The following USP6NL variants were observed in gnomAD, a reference collection of about 807,000 sequenced individuals.
The protein encoded by USP6NL is USP6 N-terminal like.
In USP6NL, 26 loss-of-function variants were observed where a neutral mutation model predicts 61.9. That is an observed-to-expected ratio of 0.42 (90% CI 0.31 to 0.58). The LOEUF (loss-of-function observed/expected upper bound fraction) is 0.58, where lower values mean the gene tolerates loss of function less well. Ranked by LOEUF, USP6NL falls within the 20% of genes least tolerant of loss-of-function variation. USP6NL has a pLI of 0.16. For synonymous variants in USP6NL, 432 were observed against 390.1 expected (o/e 1.11, Z -1.27); for missense variants, 1,114 against 1,034.3 (o/e 1.08, Z -1.06).
intron 2 of USP6NL, among the ~76,000 whole-genome samples, chr10:11,590,480 T>G (rs1838127357): frequency 6.6e-6 from 1 of 152,216 alleles, no homozygotes; most frequent in African/African-American, 2.4e-5. Context: ...ATGTGGAATT[T>G]TATTCAGACC....
chr10:11,484,897 G>A (rs895520948), intron 13 of USP6NL, 74 bp downstream of exon 13: 2 of 1,165,986 alleles, frequency 1.7e-6, no homozygotes, highest in African/African-American at 1.6e-5. Context: ...GTTGAAGTGG[G>A]TGGGGAATGA....
chr10:11,500,640 A>C (rs1045497676), intron 7 of USP6NL, among the ~76,000 whole-genome samples: 2 of 152,186 alleles, frequency 1.3e-5, no homozygotes, highest in Non-Finnish European at 2.9e-5. Flanking sequence ...TCTTGGGGCA[A>C]AGTCATCTTT....
rs1002692682 is a variant in USP6NL, at chr10:11,508,683, G to A, written c.276+912C>T. Among the ~76,000 whole-genome samples the A allele has an allele frequency of 3.3e-5, 5 of 152,196 alleles. No individual in the cohort carries two copies. The South Asian group carries it at 8.3e-4, about 25-fold the overall frequency. On this transcript the variant is annotated intron_variant, in intron 6 of 14. Transcript: ENST00000609104. Reference sequence around the variant, plus strand: ...TTGACAGAGGTCTTATTAACGTAACGAGCAGTGACGAGACGGGAAGTGCAT... The same window carrying A: ...TTGACAGAGGTCTTATTAACGTAACAAGCAGTGACGAGACGGGAAGTGCAT...
intron 14 of USP6NL, among the ~76,000 whole-genome samples, chr10:11,473,113 T>G (rs1225241623): frequency 6.6e-6 from 1 of 152,250 alleles, no homozygotes; most frequent in East Asian, 1.9e-4. Context: ...CGTTTCTATG[T>G]ATGTGCAGTC....
chr10:11,469,550 C>A (rs1832641277), intron 14 of USP6NL, among the ~76,000 whole-genome samples: 2 of 152,184 alleles, frequency 1.3e-5, no homozygotes, highest in African/African-American at 2.4e-5. Flanking sequence ...ATGGCAAATA[C>A]CTCAACTGTA....
At chr10:11,547,188 A>G (rs1161339869) in intron 2 of USP6NL, among the ~76,000 whole-genome samples, 3 of 152,254 alleles carry the variant, frequency 2.0e-5, no homozygotes, top group African/African-American at 2.4e-5. Context: ...TGACAACACA[A>G]TAAGAGCGTG....
At position 11,528,975 on chromosome 10, in the gene USP6NL, G is replaced by A. The variant is rs754249077; in HGVS notation, c.5-1408C>T. Among the ~76,000 whole-genome samples the A allele has an allele frequency of 3.9e-5, 6 of 152,152 alleles. No homozygotes were observed. The highest frequency in any genetic ancestry group is 9.7e-5 in the African/African-American group (4 of 41,420). ...CCAAAAACGGAAGATGCATGAAGCAGCAATACTGGCATGTTACCTAGCGCA... is the reference window on the plus strand; with the variant it reads ...CCAAAAACGGAAGATGCATGAAGCAACAATACTGGCATGTTACCTAGCGCA... On this transcript the variant is annotated intron_variant, in intron 2 of 14. Coordinates refer to ENST00000609104, the MANE Select transcript of USP6NL (RefSeq NM_014688.5). This position sits in a 1 kb window ranked among gnomAD's most constrained non-coding sequence, Gnocchi z 4.6.
intron 2 of USP6NL, among the ~76,000 whole-genome samples, chr10:11,542,508 C>A (rs1836107682): frequency 6.6e-6 from 1 of 152,084 alleles, no homozygotes; most frequent in Non-Finnish European, 1.5e-5. Flanking sequence ...CACCTAAGGC[C>A]AGGAGTTTGA....
In USP6NL at chr10:11,532,116, G is replaced by C. The variant is rs1464056742; in HGVS notation, c.5-4549C>G. On this transcript the variant is annotated intron_variant, in intron 2 of 14. Coordinates refer to ENST00000609104, the MANE Select transcript of USP6NL (RefSeq NM_014688.5). This position sits in a 1 kb window ranked among gnomAD's most constrained non-coding sequence, Gnocchi z 4.1. ...AATTTACAGCAGACCATTTTTCCTA[G>C]AGTACATTTTGACAGATGAACGTTA... is the stretch of plus-strand genomic sequence containing the variant. The C allele has an allele frequency of 1.1e-5, 13 of 1,199,474 alleles. No homozygotes were observed. Among genetic ancestry groups the C allele is most frequent in the Admixed American group, 2.7e-5 (1 of 37,594 alleles). The allele number at this position is 1,199,474 out of a possible 1,614,324, so 74.3% of individuals were successfully genotyped here.
intron 1 of USP6NL, among the ~76,000 whole-genome samples, chr10:11,603,503 T>C (rs1184726819): frequency 6.6e-6 from 1 of 152,176 alleles, no homozygotes; most frequent in Non-Finnish European, 1.5e-5. Flanking sequence ...CGACATCATT[T>C]TAAAAGTCAG....
At chr10:11,560,204 T>C (rs951824342) in intron 2 of USP6NL, among the ~76,000 whole-genome samples, 1 of 152,200 alleles carries the variant, frequency 6.6e-6, no homozygotes, top group Non-Finnish European at 1.5e-5. Context: ...CTATGCCAGA[T>C]ATATTACATA....
Position 11,463,588 on chromosome 10 carries a change from G to A in USP6NL, c.1340C>T (p.Ala447Val). 1 of 1,614,024 alleles carries A rather than the reference G, an allele frequency of 6.2e-7. No homozygotes were observed. Among genetic ancestry groups the A allele is most frequent in the Non-Finnish European group, 8.5e-7 (1 of 1,179,890 alleles). The change falls in exon 15 of 15, where the codon GCA becomes GTA. Residue 447 changes from alanine (A) to valine (V), a missense_variant. Physicochemically the swap from Ala to Val is moderately conservative, Grantham distance 64. Transcript: ENST00000609104. This position sits in a 1 kb window ranked among gnomAD's most constrained non-coding sequence, Gnocchi z 6.3. ...CGATGGGAGTTTTCTTTGAAAATCT[G>A]CCTCATCTTTAAGCTTTTTGCTCTC... ...EEESKKLKDE[A>V]DFQRKLPSGP...
rs746400666 is a variant in USP6NL at position 11,463,688 on chromosome 10, G to A, written c.1240C>T (p.His414Tyr). 6.2e-7 allele frequency: 1 copy of A among 1,613,608 alleles called. No individual in the cohort carries two copies. The highest frequency in any genetic ancestry group is 1.1e-5 in the South Asian group (1 of 91,062). Residue 414 changes from histidine to tyrosine, a missense_variant, in exon 15 of 15, where the codon CAC becomes TAC. Physicochemically the swap from His to Tyr is moderately conservative, Grantham distance 83 (BLOSUM62 2). Transcript: ENST00000609104. This position sits in a 1 kb window ranked among gnomAD's most constrained non-coding sequence, Gnocchi z 6.3. ...ESGAPHRRHEHSPHPQSRTGT... is the reference protein window; with the variant it reads ...ESGAPHRRHEYSPHPQSRTGT... ...GTCCTGCTCTGGGGGTGCGGGGAGTGCTCGTGCCTCCTGTGGGGCGCCCCG... is the reference window on the plus strand; with the variant it reads ...GTCCTGCTCTGGGGGTGCGGGGAGTACTCGTGCCTCCTGTGGGGCGCCCCG...
At position 11,510,944 on chromosome 10, in the gene USP6NL, A is replaced by G. The variant is rs1198615478; in HGVS notation, c.196-1269T>C. ...CTCTGCCCTAGTTCAGGCAATCATC[A>G]TTCCTGGATGGAAGCAGCAGCTCCT... On this transcript the variant is annotated intron_variant, in intron 5 of 14. Transcript: ENST00000609104. The surrounding 1 kb of genome is among the most constrained non-coding windows in gnomAD (Gnocchi z 4.8). Among the ~76,000 whole-genome samples, 1 of 152,214 alleles carries G rather than the reference A, an allele frequency of 6.6e-6. No homozygotes were observed. The highest frequency in any genetic ancestry group is 1.5e-5 in the Non-Finnish European group (1 of 68,034).
At chr10:11,582,723 T>C (rs1837822777) in intron 2 of USP6NL, among the ~76,000 whole-genome samples, 1 of 152,198 alleles carries the variant, frequency 6.6e-6, no homozygotes, top group Non-Finnish European at 1.5e-5. Context: ...ATAATTCATT[T>C]TGCTTATAAA....
chr10:11,569,298 T>A (rs541531473), intron 2 of USP6NL, among the ~76,000 whole-genome samples: 1 of 152,326 alleles, frequency 6.6e-6, no homozygotes, highest in South Asian at 2.1e-4. Flanking sequence ...GCTTAAGTTA[T>A]TAGCTATAAT....
In USP6NL at chr10:11,460,656, A is replaced by ATATATATATATATAT. The variant is rs1566104005; in HGVS notation, c.*1784_*1785insATATATATATATATA. 1 of 113,692 alleles carries ATATATATATATATAT rather than the reference A, an allele frequency of 8.8e-6. No individual in the cohort carries two copies. The highest frequency in any genetic ancestry group is 1.8e-5 in the Non-Finnish European group (1 of 54,234). The allele number at this position is 113,692 out of a possible 1,614,324, so 7.0% of individuals were successfully genotyped here. A position where few individuals can be genotyped will look rare whatever the true frequency, so the allele number is the denominator to read the frequency against. ...ATATATATATATATATATATATATA[A>ATATATATATATATAT]AAATCTACAGTATTTACCACTGTTG... On this transcript the variant is annotated 3_prime_UTR_variant, in exon 15 of 15. Transcript: ENST00000609104.
chr10:11,510,040 T>C lies in USP6NL; in HGVS notation c.196-365A>G, dbSNP rs999412591. The stretch of plus-strand genomic sequence containing the variant: ...AAATTTAATTCTCTTCTTTCTTATT[T>C]TACTGAATTCTAGTATATTGTTGTT... On this transcript the variant is annotated intron_variant, in intron 5 of 14. Transcript: ENST00000609104. This position sits in a 1 kb window ranked among gnomAD's most constrained non-coding sequence, Gnocchi z 4.8. Among the ~76,000 whole-genome samples the C allele has an allele frequency of 1.3e-5, 2 of 152,238 alleles. No homozygotes were observed. Among genetic ancestry groups the C allele is most frequent in the African/African-American group, 4.8e-5 (2 of 41,458 alleles).
At chr10:11,497,357 G>C (rs1470456794) in intron 7 of USP6NL, among the ~76,000 whole-genome samples, 1 of 146,748 alleles carries the variant, frequency 6.8e-6, no homozygotes, top group East Asian at 2.0e-4. Flanking sequence ...CTTGCAGTGA[G>C]CCAAGATCGC....
Sources: gnomAD v4.1 joint callset for allele counts (sites outside exome capture counted in the v4.1 genomes callset) on GRCh38, gnomAD v4.1.1 for gene constraint, Gnocchi (gnomAD v3.1) non-coding constraint, MANE v1.5 for transcripts, NCBI Gene and HGNC (gene_info 2026-07-23, HGNC 2026-07-21) for gene names.